The following EPHB1 variants were observed in gnomAD, a reference collection of about 807,000 sequenced individuals.
The protein encoded by EPHB1 is ephrin type-B receptor 1.
A neutral mutation model predicts 94.4 loss-of-function variants in EPHB1; 30 were observed. That is an observed-to-expected ratio of 0.32 (90% CI 0.24 to 0.43). EPHB1 has a LOEUF of 0.43. EPHB1 is among the 20% of genes least tolerant of loss of function. The probability of loss-of-function intolerance (pLI) is 1.00; values close to 1 mark genes in which losing one functional copy is unlikely to be tolerated. For synonymous variants in EPHB1, 522 were observed against 489.1 expected, an observed-to-expected ratio of 1.07 and a Z score of -0.89; for missense variants, 1,055 against 1,308.3, an observed-to-expected ratio of 0.81 and a Z score of 2.99.
At chr3:135,154,693 A>G (rs997548835) in intron 6 of EPHB1, among the ~76,000 whole-genome samples, 1 of 152,264 alleles carries the variant, frequency 6.6e-6, no homozygotes, top group Non-Finnish European at 1.5e-5. Flanking sequence ...TATAAATTAT[A>G]TGCATGTACT....
chr3:134,976,319 C>A (rs1281150549), intron 3 of EPHB1, among the ~76,000 whole-genome samples: 1 of 152,220 alleles, frequency 6.6e-6, no homozygotes, highest in African/African-American at 2.4e-5. Flanking sequence ...CTTTGCACTG[C>A]AGCCTGGCAG....
At chr3:135,232,190 C>T (rs1287900301) in intron 12 of EPHB1, among the ~76,000 whole-genome samples, 2 of 152,216 alleles carry the variant, frequency 1.3e-5, no homozygotes, top group Admixed American at 6.5e-5. Flanking sequence ...AAAAATATCA[C>T]TTTACTCATT....
chr3:134,903,752 CCAGA>C (rs2038255099), intron 1 of EPHB1, among the ~76,000 whole-genome samples: 2 of 152,184 alleles, frequency 1.3e-5, no homozygotes, highest in South Asian at 4.2e-4. Flanking sequence ...AATAGATTAA[CCAGA>C]CAGAGTTGGA....
intron 1 of EPHB1, among the ~76,000 whole-genome samples, chr3:134,854,426 CTT>C (rs1291989231): frequency 6.6e-6 from 1 of 152,142 alleles, no homozygotes; most frequent in Non-Finnish European, 1.5e-5. Flanking sequence ...GGTTTCCACT[CTT>C]CAAGGATTTG....
intron 1 of EPHB1, among the ~76,000 whole-genome samples, chr3:134,811,670 A>G (rs189692405): frequency 6.6e-6 from 1 of 152,260 alleles, no homozygotes; most frequent in Admixed American, 6.5e-5. Context: ...TATAAGATCT[A>G]AGACTTTTTA....
At position 134,947,739 on chromosome 3, in the gene EPHB1, A is replaced by G. The variant is rs187065371; in HGVS notation, c.124-3632A>G. 4.3e-3 allele frequency among the ~76,000 whole-genome samples: 662 copies of G among 152,330 alleles called. 6 individuals carry two copies. The highest frequency in any genetic ancestry group is 0.015 in the African/African-American group (625 of 41,582). On this transcript the variant is annotated intron_variant, in intron 2 of 15. Transcript: ENST00000398015. ...ATACCAATCAGTGTCATTTTCTAAG[A>G]TAAATTTTCTCAATATCTCAGCTCC...
In EPHB1 at chr3:135,211,261, C is replaced by T. The variant is rs566450401; in HGVS notation, c.2346+9572C>T. On this transcript the variant is annotated intron_variant, in intron 12 of 15. Transcript: ENST00000398015. ...TTATGTTATCATTGTTATATATGTT[C>T]CATCTACATACATTTATAGTCCCAA... is the stretch of plus-strand genomic sequence containing the variant. 1.8e-4 allele frequency among the ~76,000 whole-genome samples: 27 copies of T among 152,186 alleles called. 1 individual carries two copies. Among genetic ancestry groups the T allele is most frequent in the Non-Finnish European group, 4.0e-4 (27 of 68,036 alleles).
chr3:135,208,290 CG>C (rs371483417), intron 12 of EPHB1, among the ~76,000 whole-genome samples: 43,908 of 142,762 alleles, frequency 0.31, 6,826 homozygotes, highest in East Asian at 0.54. Flanking sequence ...CCTTTCATGA[CG>C]TGTGTGTGTG....
intron 3 of EPHB1, among the ~76,000 whole-genome samples, chr3:135,047,701 C>A (rs1937042941): frequency 6.6e-6 from 1 of 152,218 alleles, no homozygotes; most frequent in Non-Finnish European, 1.5e-5. Context: ...CTTCCCTTAA[C>A]AAACATTTAC....
chr3:135,102,487 T>G (rs1939068324), intron 3 of EPHB1, among the ~76,000 whole-genome samples: 1 of 152,240 alleles, frequency 6.6e-6, no homozygotes, highest in African/African-American at 2.4e-5. Flanking sequence ...TATTGTTAAC[T>G]TTTGTTTCTG....
At chr3:135,030,978 C>T (rs566144936) in intron 3 of EPHB1, among the ~76,000 whole-genome samples, 12 of 152,128 alleles carry the variant, frequency 7.9e-5, no homozygotes, top group Non-Finnish European at 1.8e-4. Flanking sequence ...TGGGTGTGAC[C>T]CTATTCTCCA....
rs1201692800 is a variant in EPHB1 at position 135,259,580 on chromosome 3, T to G, written c.*460T>G. 2 of 196,264 alleles carry G rather than the reference T, an allele frequency of 1.0e-5. No homozygotes were observed. Among genetic ancestry groups the G allele is most frequent in the Non-Finnish European group, 1.1e-5 (1 of 94,466 alleles). 12.2% of individuals were successfully genotyped at this position (196,264 alleles called of 1,614,324 possible). On this transcript the variant is annotated 3_prime_UTR_variant, in exon 16 of 16. Transcript: ENST00000398015. ...AGTCCCCTCCCTTCTCCCACACTCG[T>G]TTCCCTTTGCTCATGACTCCTGTAG...
At chr3:134,907,877 T>C (rs956887615) in intron 1 of EPHB1, among the ~76,000 whole-genome samples, 10 of 152,144 alleles carry the variant, frequency 6.6e-5, no homozygotes, top group Non-Finnish European at 1.0e-4. Flanking sequence ...TGTTCTCCCC[T>C]CTCCAGCCTG....
intron 1 of EPHB1, among the ~76,000 whole-genome samples, chr3:134,920,159 T>C (rs578259088): frequency 6.6e-6 from 1 of 152,272 alleles, no homozygotes; most frequent in East Asian, 1.9e-4. Flanking sequence ...CCTGTTCGTC[T>C]CTGCTTGCAC....
Position 134,951,261 on chromosome 3 carries a change from G to C in EPHB1, c.124-110G>C. 1 of 898,844 alleles carries C rather than the reference G, an allele frequency of 1.1e-6. No individual in the cohort carries two copies. The highest frequency in any genetic ancestry group is 1.6e-6 in the Non-Finnish European group (1 of 615,428). The allele number at this position is 898,844 out of a possible 1,614,324, so 55.7% of individuals were successfully genotyped here. A position where few individuals can be genotyped will look rare whatever the true frequency, so the allele number is the denominator to read the frequency against. On this transcript the variant is annotated intron_variant, in intron 2 of 15. Coordinates refer to ENST00000398015, the MANE Select transcript of EPHB1 (RefSeq NM_004441.5). The surrounding 1 kb of genome is among the most constrained non-coding windows in gnomAD (Gnocchi z 4.5). ...TCAAGTCAATCTGCTGGACTGGTGA[G>C]CTCTTAAGGCCCCTTAGCCCCAGGA...
At chr3:135,018,719 G>T (rs533983826) in intron 3 of EPHB1, among the ~76,000 whole-genome samples, 1 of 152,116 alleles carries the variant, frequency 6.6e-6, no homozygotes, top group African/African-American at 2.4e-5. Context: ...TGTGAGCCTC[G>T]CAGGACACAA....
At chr3:135,178,882 C>T (rs1302700838) in intron 9 of EPHB1, among the ~76,000 whole-genome samples, 1 of 152,180 alleles carries the variant, frequency 6.6e-6, no homozygotes, top group African/African-American at 2.4e-5. Context: ...CAGACCTTGT[C>T]ATTTGACCTT....
intron 1 of EPHB1, among the ~76,000 whole-genome samples, chr3:134,814,505 GAT>G (rs1251479932): frequency 1.3e-5 from 2 of 152,204 alleles, no homozygotes; most frequent in African/African-American, 4.8e-5. Flanking sequence ...TGGTAACCAG[GAT>G]GGCTTCCTGG....
Position 135,249,415 on chromosome 3 carries a change from A to G in EPHB1, c.2770A>G (p.Lys924Glu). ...CGTGGATGACTGGCTCAGCGCCATC[A>G]AAATGGTCCAGTACAGGGACAGCTT... ...TTVDDWLSAI[K>E]MVQYRDSFLT... The change falls in exon 15 of 16, where the codon AAA (lysine) becomes GAA (glutamate). Residue 924 changes from lysine to glutamate, a missense_variant. Physicochemically the swap from Lys to Glu is moderately conservative, Grantham distance 56 (BLOSUM62 1). Transcript: ENST00000398015. The G allele has an allele frequency of 6.2e-7, 1 of 1,614,024 alleles. No homozygotes were observed. The highest frequency in any genetic ancestry group is 8.5e-7 in the Non-Finnish European group (1 of 1,179,896).
Sources: gnomAD v4.1 joint callset for allele counts (sites outside exome capture counted in the v4.1 genomes callset) on GRCh38, gnomAD v4.1.1 for gene constraint, Gnocchi (gnomAD v3.1) non-coding constraint, MANE v1.5 for transcripts, NCBI Gene and HGNC (gene_info 2026-07-23, HGNC 2026-07-21) for gene names.